The following ADAM12 variants were observed in gnomAD, a reference collection of about 807,000 sequenced individuals.
The protein encoded by ADAM12 is disintegrin and metalloproteinase domain-containing protein 12.
ADAM12 carries 70 observed loss-of-function variants against 106.4 expected under a neutral mutation model. The observed-to-expected ratio is 0.66, with a 90% CI of 0.54 to 0.80. The LOEUF (loss-of-function observed/expected upper bound fraction) is 0.80. Ranked by LOEUF, ADAM12 falls within the 30% of genes least tolerant of loss-of-function variation. The probability of loss-of-function intolerance (pLI) is 0.00; values close to 1 mark genes in which losing one functional copy is unlikely to be tolerated. For missense variants in ADAM12, 1,010 were observed against 1,171.9 expected (o/e 0.86, Z 2.02); for synonymous variants, 420 against 433.5 (o/e 0.97, Z 0.39).
At chr10:126,318,254 T>C (rs1332968024) in intron 2 of ADAM12, among the ~76,000 whole-genome samples, 12 of 150,284 alleles carry the variant, frequency 8.0e-5, no homozygotes, top group Admixed American at 7.9e-4. Context: ...TCTCACACAT[T>C]CTTATACATT....
At chr10:126,100,209 A>G (rs1425733100) in intron 9 of ADAM12, among the ~76,000 whole-genome samples, 1 of 152,104 alleles carries the variant, frequency 6.6e-6, no homozygotes, top group Non-Finnish European at 1.5e-5. Context: ...GGTGATGCAT[A>G]TTGATTTAAA....
chr10:126,027,257 C>G (rs966075955), intron 21 of ADAM12, among the ~76,000 whole-genome samples: 5 of 152,138 alleles, frequency 3.3e-5, no homozygotes, highest in African/African-American at 1.2e-4. Flanking sequence ...AAACAAAACC[C>G]AGGACCAGGC....
intron 21 of ADAM12, among the ~76,000 whole-genome samples, chr10:126,024,464 A>C (rs1953830106): frequency 2.6e-5 from 4 of 152,202 alleles, no homozygotes; most frequent in Admixed American, 2.6e-4. Context: ...ACAGAAGAGA[A>C]TATATAGACT....
intron 3 of ADAM12, among the ~76,000 whole-genome samples, chr10:126,251,694 G>C (rs1958764591): frequency 3.0e-3 from 1 of 334 alleles, no homozygotes; most frequent in African/African-American, 7.7e-3. Context: ...AGGATGGATG[G>C]GATGGATGGA....
chr10:126,222,417 A>G (rs1056525430), intron 3 of ADAM12, among the ~76,000 whole-genome samples: 1 of 151,490 alleles, frequency 6.6e-6, no homozygotes, highest in Non-Finnish European at 1.5e-5. Flanking sequence ...CATCTGAAAA[A>G]CAGGGACAAG....
At chr10:126,359,620 C>T (rs983893784) in intron 1 of ADAM12, among the ~76,000 whole-genome samples, 5 of 152,208 alleles carry the variant, frequency 3.3e-5, no homozygotes, top group Admixed American at 6.5e-5. Context: ...GAGTTGGGTT[C>T]CCATGGTCTT....
intron 4 of ADAM12, among the ~76,000 whole-genome samples, chr10:126,154,209 G>A (rs1956775405): frequency 6.6e-6 from 1 of 152,172 alleles, no homozygotes; most frequent in African/African-American, 2.4e-5. Context: ...ACCAGCCAGT[G>A]CTCAGGAATA....
chr10:126,238,396 T>A (rs1354908024), intron 3 of ADAM12, among the ~76,000 whole-genome samples: 2 of 152,132 alleles, frequency 1.3e-5, no homozygotes, highest in Non-Finnish European at 2.9e-5. Flanking sequence ...GGAGAATCGC[T>A]TGAACCCAGG....
intron 2 of ADAM12, among the ~76,000 whole-genome samples, chr10:126,286,498 A>T (rs868213911): frequency 4.6e-5 from 7 of 152,334 alleles, no homozygotes; most frequent in African/African-American, 1.7e-4. Flanking sequence ...ACTCTAAAAT[A>T]ACTAGATCCC....
At chr10:126,368,351 GATTT>G (rs1402781698) in intron 1 of ADAM12, among the ~76,000 whole-genome samples, 2 of 126,154 alleles carry the variant, frequency 1.6e-5, no homozygotes, top group African/African-American at 3.0e-5. Context: ...TAGATTGTGT[GATTT>G]GTTTTTTTTT....
At chr10:126,319,573 A>C (rs1854023265) in intron 2 of ADAM12, among the ~76,000 whole-genome samples, 1 of 152,184 alleles carries the variant, frequency 6.6e-6, no homozygotes. Flanking sequence ...AAGGCCCAAT[A>C]AACCGCCACA....
Position 126,063,059 on chromosome 10 carries a change from C to G in ADAM12, c.1609+1747G>C, listed in dbSNP as rs552293606. Among the ~76,000 whole-genome samples the G allele has an allele frequency of 3.9e-5, 6 of 152,358 alleles. No individual in the cohort carries two copies. The South Asian group carries it at 1.2e-3, about 32-fold the overall frequency. ...AACAGGGTGTCCCCCACTGCTCCTGCCCCCTGCTTTGCCCAGGGTGCCCCA... is the reference window on the plus strand; with the variant it reads ...AACAGGGTGTCCCCCACTGCTCCTGGCCCCTGCTTTGCCCAGGGTGCCCCA... On this transcript the variant is annotated intron_variant, in intron 14 of 22. Coordinates refer to ENST00000448723, the MANE Select transcript of ADAM12 (RefSeq NM_001288973.2).
chr10:126,237,612 T>G (rs1028289222), intron 3 of ADAM12, among the ~76,000 whole-genome samples: 45 of 152,348 alleles, frequency 3.0e-4, no homozygotes, highest in African/African-American at 1.1e-3. Context: ...GGTTTTCATC[T>G]TTATACTGGG....
intron 1 of ADAM12, among the ~76,000 whole-genome samples, chr10:126,335,321 A>G (rs1854661973): frequency 1.3e-5 from 2 of 152,242 alleles, no homozygotes; most frequent in African/African-American, 4.8e-5. Flanking sequence ...CAACACCTAC[A>G]TGAACTTTAA....
chr10:126,349,780 C>T (rs1855283772), intron 1 of ADAM12, among the ~76,000 whole-genome samples: 2 of 152,182 alleles, frequency 1.3e-5, no homozygotes, highest in Non-Finnish European at 2.9e-5. Context: ...GTTTCGACAC[C>T]AGATCTATCA....
intron 3 of ADAM12, among the ~76,000 whole-genome samples, chr10:126,205,221 A>G (rs10794066): frequency 0.8 from 122,157 of 151,942 alleles, 49,245 homozygotes; most frequent in Middle Eastern, 0.89. Context: ...ACCTGAAGCA[A>G]GTTGTACCTT....
At chr10:126,357,322 G>A (rs1045166519) in intron 1 of ADAM12, among the ~76,000 whole-genome samples, 4 of 152,028 alleles carry the variant, frequency 2.6e-5, no homozygotes, top group African/African-American at 9.7e-5. Flanking sequence ...AAGTGCTGAG[G>A]GAGGGGGAAA....
At chr10:126,313,424 C>CA (rs1467909269) in intron 2 of ADAM12, among the ~76,000 whole-genome samples, 4 of 152,218 alleles carry the variant, frequency 2.6e-5, no homozygotes, top group Non-Finnish European at 5.9e-5. Flanking sequence ...CTGGCTATCA[C>CA]AAAGCCCTTG....
At chr10:126,109,555 T>C (rs1221143590) in intron 7 of ADAM12, among the ~76,000 whole-genome samples, 5 of 152,226 alleles carry the variant, frequency 3.3e-5, no homozygotes, top group Admixed American at 1.3e-4. Context: ...AGCAACTCTG[T>C]TTTTTCCTGC....
Sources: gnomAD v4.1 joint callset for allele counts (sites outside exome capture counted in the v4.1 genomes callset) on GRCh38, gnomAD v4.1.1 for gene constraint, MANE v1.5 for transcripts, NCBI Gene and HGNC (gene_info 2026-07-23, HGNC 2026-07-21) for gene names.